The following STARD13 variants were observed in gnomAD, a reference collection of about 807,000 sequenced individuals.
STARD13 encodes the protein StAR related lipid transfer domain containing 13, also known as stAR-related lipid transfer protein 13.
In STARD13, 62 loss-of-function variants were observed where a neutral mutation model predicts 106.4. The ratio of observed to expected loss-of-function variants is 0.58; its 90% CI spans 0.48 to 0.72. The LOEUF (loss-of-function observed/expected upper bound fraction) is 0.72. Ranked by LOEUF, STARD13 falls within the 30% of genes least tolerant of loss-of-function variation. STARD13 has a pLI of 0.00. For missense variants in STARD13, 1,387 were observed against 1,424.0 expected (o/e 0.97, Z 0.42); for synonymous variants, 565 against 553.0 (o/e 1.02, Z -0.31).
chr13:33,287,651 G>A (rs565299644), upstream of STARD13, among the ~76,000 whole-genome samples: 2 of 152,162 alleles, frequency 1.3e-5, no homozygotes, highest in African/African-American at 2.4e-5. Flanking sequence ...TGCCTGGAAG[G>A]TTCATGAGCC....
At chr13:33,491,612 C>T in the STARD13 span, among the ~76,000 whole-genome samples, 23,113 of 152,040 alleles carry the variant, frequency 0.15, 2,525 homozygotes, top group African/African-American at 0.31. Flanking sequence ...AATCAAGGAT[C>T]TCTGTCTAAA....
chr13:33,377,585 C>T, the STARD13 span, among the ~76,000 whole-genome samples: 1 of 150,182 alleles, frequency 6.7e-6, no homozygotes, highest in African/African-American at 2.5e-5. Flanking sequence ...AATTATTCTC[C>T]CCCACCCCCG....
chr13:33,256,288 C>T (rs79526076), intron 1 of STARD13, among the ~76,000 whole-genome samples: 29 of 152,200 alleles, frequency 1.9e-4, no homozygotes, highest in Admixed American at 9.8e-4. Flanking sequence ...CTCACTGGCT[C>T]GGCCTTCCTG....
At chr13:33,153,541 C>T (rs1441343309) in intron 3 of STARD13, among the ~76,000 whole-genome samples, 1 of 152,106 alleles carries the variant, frequency 6.6e-6, no homozygotes, top group Non-Finnish European at 1.5e-5. Flanking sequence ...GGTGCCCGGG[C>T]CCAGACCAGC....
chr13:33,174,295 T>G (rs1029569907), intron 1 of STARD13, among the ~76,000 whole-genome samples: 1 of 152,114 alleles, frequency 6.6e-6, no homozygotes, highest in Admixed American at 6.6e-5. Flanking sequence ...TACTATATAG[T>G]CACACACACT....
At chr13:33,256,254 G>T (rs1019939401) in intron 1 of STARD13, among the ~76,000 whole-genome samples, 13 of 152,208 alleles carry the variant, frequency 8.5e-5, no homozygotes, top group Admixed American at 7.9e-4. Flanking sequence ...CTGGGTCAAT[G>T]ATGTGCATTT....
intron 1 of STARD13, among the ~76,000 whole-genome samples, chr13:33,170,431 A>C (rs1416603919): frequency 6.6e-6 from 1 of 152,218 alleles, no homozygotes; most frequent in South Asian, 2.1e-4. Context: ...TAATAGCTGC[A>C]TTTCATTTTT....
At chr13:33,511,238 G>GT in the STARD13 span, 2 of 149,570 alleles carry the variant, frequency 1.3e-5, no homozygotes, top group African/African-American at 5.1e-5. Context: ...GCTTGAACCT[G>GT]GGGGGTGGAG....
the STARD13 span, among the ~76,000 whole-genome samples, chr13:33,604,683 C>A: frequency 2.0e-4 from 30 of 152,064 alleles, no homozygotes; most frequent in Admixed American, 5.2e-4. Flanking sequence ...CCTGTAATCT[C>A]AGCTATGCAG....
At chr13:33,421,214 G>C in the STARD13 span, among the ~76,000 whole-genome samples, 1 of 151,972 alleles carries the variant, frequency 6.6e-6, no homozygotes, top group Non-Finnish European at 1.5e-5. Flanking sequence ...TAATAAAGAA[G>C]AACAGAGAGA....
chr13:33,319,314 T>A lies in STARD13; in HGVS notation c.124+30976A>T, dbSNP rs147282012. ...CACCAAAGGCCACCTATTTTATGATTCTATGTATATGAAATGTGCAGAAGA... is the reference window on the plus strand; with the variant it reads ...CACCAAAGGCCACCTATTTTATGATACTATGTATATGAAATGTGCAGAAGA... On this transcript the variant is annotated intron_variant, in intron 1 of 5. Transcript: ENST00000567873. Among the ~76,000 whole-genome samples the A allele has an allele frequency of 1.5e-3, 229 of 152,308 alleles. 2 individuals carry two copies. Among genetic ancestry groups the A allele is most frequent in the Admixed American group, 0.014 (213 of 15,290 alleles).
At chr13:33,440,098 G>A in the STARD13 span, among the ~76,000 whole-genome samples, 7 of 151,930 alleles carry the variant, frequency 4.6e-5, no homozygotes, top group African/African-American at 1.7e-4. Context: ...GCAACATAGC[G>A]AGACACCCTG....
At chr13:33,234,565 T>G (rs550570783) in intron 1 of STARD13, among the ~76,000 whole-genome samples, 37 of 152,350 alleles carry the variant, frequency 2.4e-4, no homozygotes, top group South Asian at 1.2e-3. Context: ...ACTATGAAGT[T>G]TGAGGGACTT....
chr13:33,315,411 T>C (rs961545097), intron 1 of STARD13, among the ~76,000 whole-genome samples: 6 of 152,228 alleles, frequency 3.9e-5, no homozygotes, highest in African/African-American at 1.4e-4. Flanking sequence ...GCTGTGAATT[T>C]ATTTGCATAT....
intron 8 of STARD13, among the ~76,000 whole-genome samples, chr13:33,115,031 A>C (rs1240195443): frequency 1.3e-5 from 2 of 152,096 alleles, no homozygotes; most frequent in African/African-American, 2.4e-5. Context: ...CCTCAAATTC[A>C]GATTCCTGTG....
intron 1 of STARD13, among the ~76,000 whole-genome samples, chr13:33,331,232 G>A (rs1374865051): frequency 6.6e-6 from 1 of 152,086 alleles, no homozygotes. Context: ...CTTTGCCTGT[G>A]CTCTGTACTT....
the STARD13 span, among the ~76,000 whole-genome samples, chr13:33,527,538 T>C: frequency 6.6e-5 from 10 of 151,954 alleles, no homozygotes; most frequent in African/African-American, 2.4e-4. Context: ...AAAGAGAACT[T>C]AGGAAAAAAT....
chr13:33,357,261 C>T, the STARD13 span, among the ~76,000 whole-genome samples: 1 of 152,164 alleles, frequency 6.6e-6, no homozygotes, highest in South Asian at 2.1e-4. Flanking sequence ...GGGCTGGGAC[C>T]CTTGTCACCT....
chr13:33,449,122 C>G, the STARD13 span, among the ~76,000 whole-genome samples: 1 of 151,046 alleles, frequency 6.6e-6, no homozygotes. Context: ...TTTGTCTATA[C>G]TTGCATTTGT....
Sources: gnomAD v4.1 joint callset for allele counts (sites outside exome capture counted in the v4.1 genomes callset) on GRCh38, gnomAD v4.1.1 for gene constraint, MANE v1.5 for transcripts, NCBI Gene and HGNC (gene_info 2026-07-23, HGNC 2026-07-21) for gene names.